CNKSR2: variants seen among roughly 807,000 people sequenced by gnomAD.
The protein encoded by CNKSR2 is connector enhancer of kinase suppressor of Ras 2.
CNKSR2 carries 14 observed loss-of-function variants against 84.4 expected under a neutral mutation model. That is an observed-to-expected ratio of 0.17 (90% CI 0.11 to 0.26). The LOEUF (loss-of-function observed/expected upper bound fraction) is 0.26. Among genes scored for constraint, CNKSR2 ranks in the 10% least tolerant of loss-of-function variants. The pLI, the probability that CNKSR2 is intolerant of heterozygous loss-of-function variation, is 1.00. For synonymous variants in CNKSR2, 275 were observed against 277.9 expected, an observed-to-expected ratio of 0.99 and a Z score of 0.10; for missense variants, 485 against 771.2, an observed-to-expected ratio of 0.63 and a Z score of 4.40.
intron 4 of CNKSR2, among the ~76,000 whole-genome samples, chrX:21,457,404 T>G (rs1447011430): frequency 9.0e-6 from 1 of 111,631 alleles, no homozygotes; most frequent in African/African-American, 3.3e-5. Flanking sequence ...TCTGTGCATA[T>G]TTTTCTCTAG....
intron 20 of CNKSR2, among the ~76,000 whole-genome samples, chrX:21,619,666 G>C (rs2092593287): frequency 9.1e-6 from 1 of 109,718 alleles, no homozygotes; most frequent in Admixed American, 9.7e-5. Context: ...CTCCATGACT[G>C]AATTTAGTTT....
intron 7 of CNKSR2, among the ~76,000 whole-genome samples, chrX:21,500,907 T>G (rs766783611): frequency 8.9e-6 from 1 of 111,738 alleles, no homozygotes; most frequent in East Asian, 2.8e-4. Context: ...GTAATATGAT[T>G]TGAACTAATT....
At chrX:21,564,035 A>C (rs2092216715) in intron 13 of CNKSR2, among the ~76,000 whole-genome samples, 1 of 111,183 alleles carries the variant, frequency 9.0e-6, no homozygotes, top group Non-Finnish European at 1.9e-5. Context: ...ATTTGAATGG[A>C]GAATAAAATA....
intron 13 of CNKSR2, among the ~76,000 whole-genome samples, chrX:21,573,814 T>G (rs1483606782): frequency 8.9e-6 from 1 of 111,898 alleles, no homozygotes; most frequent in East Asian, 2.8e-4. Context: ...CTGGAGACAT[T>G]TTCCCCATTG....
At chrX:21,376,583 A>T (rs1200100823) in intron 1 of CNKSR2, among the ~76,000 whole-genome samples, 2 of 111,637 alleles carry the variant, frequency 1.8e-5, no homozygotes, top group Non-Finnish European at 3.8e-5. Context: ...AATATCTTAG[A>T]TTCCCACCAA....
intron 8 of CNKSR2, among the ~76,000 whole-genome samples, chrX:21,507,726 T>A (rs1298550465): frequency 8.9e-6 from 1 of 111,773 alleles, no homozygotes; most frequent in African/African-American, 3.2e-5. Flanking sequence ...TATTACTTTT[T>A]GAATACTAGG....
intron 1 of CNKSR2, among the ~76,000 whole-genome samples, chrX:21,398,939 G>A (rs776294090): frequency 9.1e-6 from 1 of 109,308 alleles, no homozygotes; most frequent in Non-Finnish European, 1.9e-5. Context: ...GAATTGAGTC[G>A]TTACTGTATT....
At chrX:21,544,469 A>C (rs1441178513) in intron 11 of CNKSR2, among the ~76,000 whole-genome samples, 1 of 111,999 alleles carries the variant, frequency 8.9e-6, no homozygotes, top group Non-Finnish European at 1.9e-5. Context: ...TATTATATAA[A>C]ATAAATAAAA....
chrX:21,387,798 C>T (rs1325038829), intron 1 of CNKSR2, among the ~76,000 whole-genome samples: 2 of 111,141 alleles, frequency 1.8e-5, no homozygotes, highest in Non-Finnish European at 3.8e-5. Context: ...CACTAAAATG[C>T]CCTTATTGTA....
intron 2 of CNKSR2, chrX:21,429,153 A>C (rs374621284): frequency 2.7e-5 from 3 of 112,393 alleles, no homozygotes; most frequent in African/African-American, 9.7e-5. Flanking sequence ...GAGAAGGCTG[A>C]TATGAACTTA....
intron 3 of CNKSR2, among the ~76,000 whole-genome samples, chrX:21,439,946 C>T (rs903882244): frequency 1.1e-4 from 12 of 108,987 alleles, no homozygotes; most frequent in Non-Finnish European, 2.3e-4. Flanking sequence ...TATACCCCTC[C>T]CCCCCAAAAA....
chrX:21,462,612 T>C (rs191520362), intron 4 of CNKSR2, among the ~76,000 whole-genome samples: 184 of 111,652 alleles, frequency 1.6e-3, no homozygotes, highest in Non-Finnish European at 2.8e-3. Context: ...GTGTTCTAGA[T>C]CATAGAAGAA....
chrX:21,594,134 C>G (rs762939281), intron 15 of CNKSR2: 2 of 112,229 alleles, frequency 1.8e-5, no homozygotes, highest in East Asian at 5.6e-4. Flanking sequence ...TGGAATACTA[C>G]GCAGCCATAA....
intron 1 of CNKSR2, chrX:21,425,389 A>G (rs760911577): frequency 2.7e-5 from 3 of 112,139 alleles, no homozygotes; most frequent in African/African-American, 9.7e-5. Context: ...TTTTGAGACT[A>G]TAGTAAAGAC....
intron 5 of CNKSR2, among the ~76,000 whole-genome samples, chrX:21,481,880 A>G (rs985512548): frequency 8.9e-6 from 1 of 111,756 alleles, no homozygotes; most frequent in Non-Finnish European, 1.9e-5. Flanking sequence ...AAGGAAGTGG[A>G]TTCTGCTGAC....
intron 7 of CNKSR2, 131 bp from the exon 8 acceptor site, chrX:21,501,389 T>G (rs2147066216): frequency 2.7e-6 from 1 of 363,902 alleles, no homozygotes; most frequent in Non-Finnish European, 4.8e-6. Flanking sequence ...TGTTTATTGC[T>G]TTAATTCCTT....
intron 1 of CNKSR2, among the ~76,000 whole-genome samples, chrX:21,387,575 A>G (rs1219481292): frequency 8.9e-6 from 1 of 112,116 alleles, no homozygotes; most frequent in East Asian, 2.8e-4. Context: ...CTTAATATCA[A>G]TATCTGTATG....
At chrX:21,422,496 G>T (rs952348462) in intron 1 of CNKSR2, among the ~76,000 whole-genome samples, 9 of 112,160 alleles carry the variant, frequency 8.0e-5, no homozygotes, top group African/African-American at 2.9e-4. Flanking sequence ...TATAAACCCT[G>T]TTGATAGACT....
At chrX:21,471,350 G>T (rs1375548451) in intron 5 of CNKSR2, among the ~76,000 whole-genome samples, 1 of 111,939 alleles carries the variant, frequency 8.9e-6, no homozygotes, top group Non-Finnish European at 1.9e-5. Context: ...GCCATCTCCT[G>T]CCTTCTTAAT....
Sources: allele counts gnomAD v4.1 joint callset (sites outside exome capture counted in the v4.1 genomes callset), GRCh38; gene constraint gnomAD v4.1.1; transcripts MANE v1.5; gene names NCBI Gene and HGNC (gene_info 2026-07-23, HGNC 2026-07-21).